SMC5: variants seen among roughly 807,000 people sequenced by gnomAD.
SMC5 encodes structural maintenance of chromosomes protein 5.
Under a neutral mutation model 148.3 loss-of-function variants are expected in SMC5, and 88 were observed. That is an observed-to-expected ratio of 0.59 (90% CI 0.50 to 0.71). SMC5 has a LOEUF of 0.71. SMC5 is among the 30% of genes least tolerant of loss of function. The pLI is 0.00. For synonymous variants in SMC5, 421 were observed against 432.8 expected, an observed-to-expected ratio of 0.97 and a Z score of 0.34; for missense variants, 1,142 against 1,298.9, an observed-to-expected ratio of 0.88 and a Z score of 1.86.
chr9:70,342,876 A>G (rs1484069747), intron 17 of SMC5, among the ~76,000 whole-genome samples: 1 of 152,186 alleles, frequency 6.6e-6, no homozygotes, highest in Non-Finnish European at 1.5e-5. Context: ...TTTGAGGCTC[A>G]TATGCCTTAA....
chr9:70,303,306 ATT>A (rs1465113511), intron 10 of SMC5, among the ~76,000 whole-genome samples: 1 of 131,788 alleles, frequency 7.6e-6, no homozygotes, highest in African/African-American at 2.5e-5. Context: ...CTTATCTATA[ATT>A]ATATTTTTTT....
chr9:70,315,976 A>G (rs2035790939), intron 13 of SMC5, among the ~76,000 whole-genome samples: 1 of 152,118 alleles, frequency 6.6e-6, no homozygotes, highest in Admixed American at 6.5e-5. Flanking sequence ...TTAGAATGGT[A>G]GGCTGGGGTA....
At chr9:70,269,770 A>G (rs2034394171) in intron 3 of SMC5, among the ~76,000 whole-genome samples, 1 of 152,316 alleles carries the variant, frequency 6.6e-6, no homozygotes, top group Non-Finnish European at 1.5e-5. Context: ...TGTCTACCAC[A>G]TGTTGAAGTA....
At chr9:70,304,413 A>G (rs2183362) in intron 10 of SMC5, among the ~76,000 whole-genome samples, 32,751 of 152,094 alleles carry the variant, frequency 0.22, 3,670 homozygotes, top group South Asian at 0.28. Flanking sequence ...TAGGTCGGGC[A>G]CAGTGACTCA....
intron 11 of SMC5, among the ~76,000 whole-genome samples, chr9:70,309,148 A>G (rs939324637): frequency 4.6e-5 from 7 of 152,196 alleles, no homozygotes; most frequent in African/African-American, 1.7e-4. Flanking sequence ...CCATATTGAT[A>G]GCTGCTGACT....
rs757929249 is a variant in SMC5 at position 70,346,666 on chromosome 9, C to CT, written c.2568+23dup. 6.8e-6 allele frequency: 11 copies of CT among 1,613,568 alleles called. No individual in the cohort carries two copies. In the Admixed American group the frequency reaches 1.3e-4, roughly 20 times the overall value. The stretch of plus-strand genomic sequence containing the variant: ...CTCCCCATGGTATGCAGTACTCATT[C>CT]TTTTTTCCCAAGCTCCTGTTTTCCC... On this transcript the variant is annotated intron_variant, in intron 19 of 24. Transcript: ENST00000361138.
At chr9:70,290,834 T>C (rs2118293465) in intron 8 of SMC5, among the ~76,000 whole-genome samples, 1 of 152,338 alleles carries the variant, frequency 6.6e-6, no homozygotes, top group South Asian at 2.1e-4. Context: ...AATGTGAAAG[T>C]AAGCACCGCC....
chr9:70,273,388 ATATT>A (rs2034503159), intron 3 of SMC5, among the ~76,000 whole-genome samples: 1 of 151,954 alleles, frequency 6.6e-6, no homozygotes, highest in Non-Finnish European at 1.5e-5. Flanking sequence ...TTTACTATAT[ATATT>A]ATTTTATACA....
intron 13 of SMC5, among the ~76,000 whole-genome samples, chr9:70,317,270 A>G (rs1184667411): frequency 6.6e-6 from 1 of 152,080 alleles, no homozygotes; most frequent in Non-Finnish European, 1.5e-5. Flanking sequence ...TTTATTATTA[A>G]CTCTTAACAT....
intron 8 of SMC5, among the ~76,000 whole-genome samples, chr9:70,296,505 A>G (rs906171067): frequency 1.5e-4 from 22 of 151,638 alleles, no homozygotes; most frequent in African/African-American, 4.9e-4. Flanking sequence ...GTGAACCGAG[A>G]TCGCACCACT....
At position 70,353,310 on chromosome 9, in the gene SMC5, T is replaced by TA. The variant is rs2036844268; in HGVS notation, c.*980dup. On this transcript the variant is annotated 3_prime_UTR_variant, in exon 25 of 25. Transcript: ENST00000361138. Reference sequence around the variant, plus strand: ...GAACTTAAGCCTATAGGGCCTTTCTTACAATGTTGATGTACCCATTATCTT... The same window carrying TA: ...GAACTTAAGCCTATAGGGCCTTTCTTAACAATGTTGATGTACCCATTATCTT... The TA allele has an allele frequency of 1.3e-5, 2 of 152,186 alleles. No homozygotes were observed. The highest frequency in any genetic ancestry group is 1.5e-5 in the Non-Finnish European group (1 of 68,016). 9.4% of individuals were successfully genotyped at this position (152,186 alleles called of 1,614,324 possible). A position where few individuals can be genotyped will look rare whatever the true frequency, so the allele number is the denominator to read the frequency against.
At chr9:70,298,289 TCTG>T in intron 9 of SMC5, 68 bp downstream of exon 9, 1 of 1,475,884 alleles carries the variant, frequency 6.8e-7, no homozygotes, top group Non-Finnish European at 9.1e-7. Context: ...TGAACTTTCT[TCTG>T]CTTCTATAAT....
intron 10 of SMC5, among the ~76,000 whole-genome samples, chr9:70,303,393 C>A (rs1209156553): frequency 6.6e-6 from 1 of 152,046 alleles, no homozygotes; most frequent in African/African-American, 2.4e-5. Flanking sequence ...CATCCACATA[C>A]GTTTTCTTTT....
intron 17 of SMC5, among the ~76,000 whole-genome samples, chr9:70,337,004 G>T (rs942001857): frequency 6.6e-6 from 1 of 152,102 alleles, no homozygotes; most frequent in Non-Finnish European, 1.5e-5. Context: ...GAGAAAGCTT[G>T]TACAGGGAAA....
intron 11 of SMC5, chr9:70,311,774 A>C (rs566852149): frequency 6.6e-6 from 1 of 152,146 alleles, no homozygotes; most frequent in Non-Finnish European, 1.5e-5. Flanking sequence ...AAAATGAGGT[A>C]TGCCTATAGT....
chr9:70,303,985 A>C, intron 10 of SMC5, among the ~76,000 whole-genome samples: 1 of 152,234 alleles, frequency 6.6e-6, no homozygotes, highest in East Asian at 1.9e-4. Flanking sequence ...TTCATCTGCA[A>C]TAAATAACAG....
At chr9:70,291,846 T>A (rs887300669) in intron 8 of SMC5, among the ~76,000 whole-genome samples, 1 of 120,268 alleles carries the variant, frequency 8.3e-6, no homozygotes, top group Admixed American at 8.0e-5. Context: ...AGTAATTGCA[T>A]TTTTTTTTTT....
At chr9:70,326,374 T>TA (rs1263166867) in intron 17 of SMC5, among the ~76,000 whole-genome samples, 4 of 152,100 alleles carry the variant, frequency 2.6e-5, no homozygotes, top group Admixed American at 6.5e-5. Context: ...CATGAAAACT[T>TA]ACGTAAATGG....
intron 11 of SMC5, among the ~76,000 whole-genome samples, chr9:70,308,536 A>T (rs1286601140): frequency 7.2e-6 from 1 of 138,626 alleles, no homozygotes; most frequent in African/African-American, 2.7e-5. Flanking sequence ...CAGAGCTTGC[A>T]GTGAGCCAAG....
Sources: gnomAD v4.1 joint callset for allele counts (sites outside exome capture counted in the v4.1 genomes callset) on GRCh38, gnomAD v4.1.1 for gene constraint, MANE v1.5 for transcripts, NCBI Gene and HGNC (gene_info 2026-07-23, HGNC 2026-07-21) for gene names.